LPAR1: variants seen among roughly 807,000 people sequenced by gnomAD.
The protein encoded by LPAR1 is lysophosphatidic acid receptor 1.
A neutral mutation model predicts 23.8 loss-of-function variants in LPAR1; 5 were observed. That is an observed-to-expected ratio of 0.21 (90% CI 0.11 to 0.44). The LOEUF (loss-of-function observed/expected upper bound fraction) is 0.44. Ranked by LOEUF, LPAR1 falls within the 20% of genes least tolerant of loss-of-function variation. The pLI is 0.99. For missense variants in LPAR1, 311 were observed against 482.8 expected (o/e 0.64, Z 3.33); for synonymous variants, 160 against 164.7 (o/e 0.97, Z 0.22).
At position 110,873,316 on chromosome 9, in the gene LPAR1, T is replaced by C. The variant is rs2078504678; in HGVS notation, c.*2105A>G. Reference sequence around the variant, plus strand: ...TTAGTATGCTTTTCATTTCAAATAATCCATATAGCCTCCAGAAAAATATGC... The same window carrying C: ...TTAGTATGCTTTTCATTTCAAATAACCCATATAGCCTCCAGAAAAATATGC... On this transcript the variant is annotated 3_prime_UTR_variant, in exon 6 of 6. Transcript: ENST00000683809. The C allele has an allele frequency of 6.6e-6, 1 of 152,220 alleles. No homozygotes were observed. Among genetic ancestry groups the C allele is most frequent in the African/African-American group, 2.4e-5 (1 of 41,460 alleles). 9.4% of individuals were successfully genotyped at this position (152,220 alleles called of 1,614,324 possible).
At chr9:110,945,198 C>A (rs1275735452) in intron 4 of LPAR1, among the ~76,000 whole-genome samples, 1 of 152,168 alleles carries the variant, frequency 6.6e-6, no homozygotes, top group East Asian at 1.9e-4. Context: ...TGTGAATGGG[C>A]TTTCCTACTT....
At chr9:111,002,698 C>G (rs1489123782) in intron 2 of LPAR1, among the ~76,000 whole-genome samples, 2 of 152,122 alleles carry the variant, frequency 1.3e-5, no homozygotes, top group Non-Finnish European at 2.9e-5. Flanking sequence ...ACCAAGGGAC[C>G]TAAAACTCCA....
chr9:110,904,741 G>T (rs890838965), intron 5 of LPAR1, among the ~76,000 whole-genome samples: 19 of 152,334 alleles, frequency 1.2e-4, no homozygotes, highest in African/African-American at 4.6e-4. Flanking sequence ...GGCTGGAGAA[G>T]TAGGTCTGGC....
At chr9:110,891,426 G>A (rs969100473) in intron 5 of LPAR1, among the ~76,000 whole-genome samples, 1 of 152,030 alleles carries the variant, frequency 6.6e-6, no homozygotes, top group Non-Finnish European at 1.5e-5. Flanking sequence ...TATATTAAAC[G>A]CATTTGTGGG....
At chr9:110,933,903 T>G (rs1208510094) in intron 5 of LPAR1, among the ~76,000 whole-genome samples, 1 of 152,176 alleles carries the variant, frequency 6.6e-6, no homozygotes, top group Non-Finnish European at 1.5e-5. Flanking sequence ...AAAAAATATT[T>G]GAATGGAGAT....
chr9:110,949,308 AACAGTTC>A (rs2095495366), intron 4 of LPAR1, among the ~76,000 whole-genome samples: 1 of 152,228 alleles, frequency 6.6e-6, no homozygotes, highest in Non-Finnish European at 1.5e-5. Flanking sequence ...GAATCCCCAG[AACAGTTC>A]ACAGCAGGAT....
At chr9:110,966,277 A>G (rs1371213507) in intron 4 of LPAR1, among the ~76,000 whole-genome samples, 1 of 152,090 alleles carries the variant, frequency 6.6e-6, no homozygotes, top group East Asian at 1.9e-4. Context: ...TCAGGAGTTC[A>G]AGACCAGCCT....
intron 5 of LPAR1, among the ~76,000 whole-genome samples, chr9:110,921,152 C>T (rs1274315738): frequency 6.6e-6 from 1 of 151,702 alleles, no homozygotes; most frequent in Non-Finnish European, 1.5e-5. Context: ...AAACAAAAAA[C>T]AAAACAAAAC....
At chr9:110,901,454 T>C (rs780319928) in intron 5 of LPAR1, among the ~76,000 whole-genome samples, 4 of 152,178 alleles carry the variant, frequency 2.6e-5, no homozygotes, top group African/African-American at 9.6e-5. Context: ...ACAGGTTTAA[T>C]GGACTCACAG....
intron 5 of LPAR1, among the ~76,000 whole-genome samples, chr9:110,927,949 T>C (rs550564539): frequency 6.6e-6 from 1 of 152,230 alleles, no homozygotes; most frequent in South Asian, 2.1e-4. Flanking sequence ...AGAAATGTCT[T>C]CTCAATAAAA....
At chr9:111,021,728 A>G (rs2097563582) in intron 2 of LPAR1, among the ~76,000 whole-genome samples, 1 of 152,162 alleles carries the variant, frequency 6.6e-6, no homozygotes, top group African/African-American at 2.4e-5. Flanking sequence ...TGGGAGGCCC[A>G]GGTGGGTGGA....
At chr9:110,955,480 G>A (rs1349362089) in intron 4 of LPAR1, among the ~76,000 whole-genome samples, 1 of 152,000 alleles carries the variant, frequency 6.6e-6, no homozygotes, top group Non-Finnish European at 1.5e-5. Context: ...ATAATGGTTG[G>A]TGACCTCAAC....
chr9:110,981,185 T>C (rs573407426), intron 2 of LPAR1, among the ~76,000 whole-genome samples: 20 of 152,066 alleles, frequency 1.3e-4, no homozygotes, highest in Non-Finnish European at 2.8e-4. Flanking sequence ...AACAGTTTGG[T>C]TGGTTGAGTC....
intron 2 of LPAR1, among the ~76,000 whole-genome samples, chr9:110,985,181 A>T (rs1257297169): frequency 6.6e-6 from 1 of 152,064 alleles, no homozygotes; most frequent in Non-Finnish European, 1.5e-5. Context: ...AAACCAAATG[A>T]CTACCTTATG....
chr9:110,974,498 A>T (rs2096507307), intron 2 of LPAR1, among the ~76,000 whole-genome samples: 1 of 152,170 alleles, frequency 6.6e-6, no homozygotes, highest in Non-Finnish European at 1.5e-5. Context: ...TATAAGCTTA[A>T]ATTTTTAATT....
intron 2 of LPAR1, among the ~76,000 whole-genome samples, chr9:111,004,931 TG>T (rs2097187017): frequency 6.6e-6 from 1 of 151,940 alleles, no homozygotes; most frequent in African/African-American, 2.4e-5. Context: ...GAGGCTAAAG[TG>T]GGAGGATCAC....
chr9:110,908,181 T>C (rs73537550), intron 5 of LPAR1, among the ~76,000 whole-genome samples: 9,232 of 151,648 alleles, frequency 0.061, 972 homozygotes, highest in African/African-American at 0.21. Flanking sequence ...AACTAAAGTA[T>C]TATTAATTTT....
At chr9:110,999,877 T>A (rs888795759) in intron 2 of LPAR1, among the ~76,000 whole-genome samples, 21 of 152,092 alleles carry the variant, frequency 1.4e-4, no homozygotes, top group Admixed American at 1.2e-3. Flanking sequence ...GCTAATTTTT[T>A]AAAATATTTA....
chr9:110,879,452 G>C (rs1295066068), intron 5 of LPAR1, among the ~76,000 whole-genome samples: 1 of 141,772 alleles, frequency 7.1e-6, no homozygotes, highest in Admixed American at 7.2e-5. Context: ...GGATGAAGAA[G>C]TGTGGTTATT....
Sources: gnomAD v4.1 joint callset for allele counts (sites outside exome capture counted in the v4.1 genomes callset) on GRCh38, gnomAD v4.1.1 for gene constraint, MANE v1.5 for transcripts, NCBI Gene and HGNC (gene_info 2026-07-23, HGNC 2026-07-21) for gene names.